Variants in IQCE observed in about 807,000 individuals in gnomAD.
IQCE encodes IQ motif containing E.
IQCE carries 115 observed loss-of-function variants against 96.0 expected under a neutral mutation model. The observed-to-expected ratio is 1.20, with a 90% CI of 1.03 to 1.40. The LOEUF is 1.40. IQCE is among the 40% of genes most tolerant of loss of function. The pLI is 0.00. For synonymous variants in IQCE, 412 were observed against 371.2 expected, an observed-to-expected ratio of 1.11 and a Z score of -1.26; for missense variants, 1,041 against 909.1, an observed-to-expected ratio of 1.15 and a Z score of -1.87.
Position 2,571,672 on chromosome 7 carries a change from T to C in IQCE, c.259+18T>C, listed in dbSNP as rs1200413821. ...AAAGCCAGGTATGTGGTTGTCGCAC[T>C]GGAGACCCTTCCTGCTTGAGAGAAG... On this transcript the variant is annotated intron_variant, in intron 4 of 21. Transcript: ENST00000402050. 5 of 1,593,996 alleles carry C rather than the reference T, an allele frequency of 3.1e-6. No homozygotes were observed. The highest frequency in any genetic ancestry group is 4.2e-6 in the Non-Finnish European group (5 of 1,176,756).
intron 6 of IQCE, among the ~76,000 whole-genome samples, chr7:2,577,987 CGT>C: frequency 7.2e-6 from 1 of 138,710 alleles, no homozygotes; most frequent in Non-Finnish European, 1.5e-5. Context: ...GTGTGTGCGG[CGT>C]GTGCGCATTG....
At chr7:2,563,387 G>GTGTA (rs1191272244) in intron 1 of IQCE, among the ~76,000 whole-genome samples, 3 of 151,364 alleles carry the variant, frequency 2.0e-5, no homozygotes, top group Admixed American at 6.6e-5. Flanking sequence ...GTGTGTGTGT[G>GTGTA]TGTGTGTGTG....
intron 6 of IQCE, among the ~76,000 whole-genome samples, chr7:2,575,647 G>A (rs1257871702): frequency 1.3e-5 from 2 of 152,190 alleles, no homozygotes; most frequent in Admixed American, 1.3e-4. Context: ...GTCTGCCTGG[G>A]GTAGAGCGGT....
chr7:2,584,396 G>A, intron 11 of IQCE, 111 bp downstream of exon 11: 1 of 991,266 alleles, frequency 1.0e-6, no homozygotes, highest in Non-Finnish European at 1.6e-6. Context: ...CCTTAGCTTG[G>A]CAGTGCTGCC....
chr7:2,560,374 C>A (rs551346160), intron 1 of IQCE, among the ~76,000 whole-genome samples: 1 of 152,248 alleles, frequency 6.6e-6, no homozygotes, highest in Admixed American at 6.5e-5. Context: ...ACAGAGGAAG[C>A]CTTTGGAAGG....
chr7:2,563,265 T>C (rs1781101517), intron 1 of IQCE, among the ~76,000 whole-genome samples: 2 of 152,144 alleles, frequency 1.3e-5, no homozygotes, highest in South Asian at 4.1e-4. Context: ...GGTGCGATCA[T>C]GGCTCACTGC....
chr7:2,592,375 A>G (rs1245237963), intron 14 of IQCE, among the ~76,000 whole-genome samples: 3 of 149,962 alleles, frequency 2.0e-5, no homozygotes, highest in Middle Eastern at 3.2e-3. Context: ...TTCTGGAAGG[A>G]TCTGTGATGC....
chr7:2,562,694 C>G (rs559669283), intron 1 of IQCE, among the ~76,000 whole-genome samples: 2 of 150,760 alleles, frequency 1.3e-5, no homozygotes, highest in South Asian at 4.2e-4. Flanking sequence ...AAAGAACCAA[C>G]TTTTGGTTTC....
Position 2,605,001 on chromosome 7 carries a change from G to C in IQCE, c.1743+10G>C. On this transcript the variant is annotated intron_variant, in intron 19 of 21. Coordinates refer to ENST00000402050, the MANE Select transcript of IQCE (RefSeq NM_152558.5). ...AGGCCTCCCAGACCAGGTAATGTCGGGGTGCTGGACGTCCCAGTGGCCATC... is the reference window on the plus strand; with the variant it reads ...AGGCCTCCCAGACCAGGTAATGTCGCGGTGCTGGACGTCCCAGTGGCCATC... 1.3e-6 allele frequency: 2 copies of C among 1,597,204 alleles called. No homozygotes were observed. The highest frequency in any genetic ancestry group is 1.7e-6 in the Non-Finnish European group (2 of 1,165,600).
chr7:2,583,489 C>A, intron 9 of IQCE, 148 bp from the exon 10 acceptor site: 3 of 373,338 alleles, frequency 8.0e-6, no homozygotes, highest in Non-Finnish European at 1.5e-5. Flanking sequence ...AGGAACAAGT[C>A]AAATGAAGGC....
chr7:2,587,590 C>T (rs1007349926), intron 12 of IQCE, among the ~76,000 whole-genome samples: 6 of 152,088 alleles, frequency 3.9e-5, no homozygotes, highest in South Asian at 2.1e-4. Flanking sequence ...GATGTCACCC[C>T]GAGATGCTTG....
At chr7:2,560,688 C>A (rs1171242220) in intron 1 of IQCE, among the ~76,000 whole-genome samples, 1 of 151,220 alleles carries the variant, frequency 6.6e-6, no homozygotes, top group African/African-American at 2.4e-5. Flanking sequence ...CCGGGCACGG[C>A]GGCTCATGCC....
chr7:2,578,367 GC>G lies in IQCE; in HGVS notation c.579+13del. On this transcript the variant is annotated intron_variant, in intron 7 of 21. Coordinates refer to ENST00000402050, the MANE Select transcript of IQCE (RefSeq NM_152558.5). The stretch of plus-strand genomic sequence containing the variant: ...TGGATCCCAGCCGCGTAAGCTCCTG[GC>G]GCTTCACGGACGGGGCAAGGGGAGG... 6.2e-7 allele frequency: 1 copy of G among 1,613,332 alleles called. No individual in the cohort carries two copies. Among genetic ancestry groups the G allele is most frequent in the Non-Finnish European group, 8.5e-7 (1 of 1,179,244 alleles).
At position 2,591,135 on chromosome 7, in the gene IQCE, C is replaced by T. The variant is rs118027740; in HGVS notation, c.1244+1029C>T. On this transcript the variant is annotated intron_variant, in intron 14 of 21. Transcript: ENST00000402050. ...AGTTGTAGTGGTTGAAGCCTGTAAT[C>T]CCGCCTATTTGGGAGGCTGAGGTGG... 6.7e-3 allele frequency among the ~76,000 whole-genome samples: 1,021 copies of T among 152,118 alleles called. 4 individuals carry two copies. The highest frequency in any genetic ancestry group is 0.017 in the Middle Eastern group (5 of 294).
intron 6 of IQCE, 68 bp downstream of exon 6, chr7:2,573,556 A>G (rs972666243): frequency 6.8e-6 from 6 of 880,416 alleles, no homozygotes; most frequent in African/African-American, 6.7e-5. Context: ...GTATTAGAAC[A>G]TCAGTGCCTG....
chr7:2,579,890 TA>T, intron 8 of IQCE, among the ~76,000 whole-genome samples: 1 of 152,112 alleles, frequency 6.6e-6, no homozygotes, highest in Non-Finnish European at 1.5e-5. Context: ...TACCCGGGAC[TA>T]CAGGCACGTG....
chr7:2,559,698 AG>A (rs1780776934), intron 1 of IQCE, among the ~76,000 whole-genome samples: 1 of 126,994 alleles, frequency 7.9e-6, no homozygotes, highest in Non-Finnish European at 1.6e-5. Flanking sequence ...CATGAGCCTT[AG>A]GTTAGTTACT....
chr7:2,604,087 C>G (rs910991687), intron 18 of IQCE, among the ~76,000 whole-genome samples: 7 of 150,790 alleles, frequency 4.6e-5, no homozygotes, highest in Admixed American at 1.3e-4. Context: ...CTCCCAGGTT[C>G]AAACGATTCT....
At chr7:2,606,019 G>A (rs369574616) in intron 20 of IQCE, 22 bp downstream of exon 20, 26 of 1,598,464 alleles carry the variant, frequency 1.6e-5, no homozygotes, top group African/African-American at 9.4e-5. Context: ...TCACGGGGAC[G>A]TGGGACACAG....
Sources: allele counts gnomAD v4.1 joint callset (sites outside exome capture counted in the v4.1 genomes callset), GRCh38; gene constraint gnomAD v4.1.1; transcripts MANE v1.5; gene names NCBI Gene and HGNC (gene_info 2026-07-23, HGNC 2026-07-21).